PTPRD: variants seen among roughly 807,000 people sequenced by gnomAD.
PTPRD encodes the protein receptor-type tyrosine-protein phosphatase delta.
In PTPRD, 34 loss-of-function variants were observed where a neutral mutation model predicts 214.5. The observed-to-expected ratio is 0.16, with a 90% confidence interval of 0.12 to 0.21. The LOEUF (loss-of-function observed/expected upper bound fraction) is 0.21, where lower values mean the gene tolerates loss of function less well. Ranked by LOEUF, PTPRD falls within the 10% of genes least tolerant of loss-of-function variation. The pLI is 1.00. For missense variants in PTPRD, 2,545 were observed against 2,398.7 expected (o/e 1.06, Z -1.27); for synonymous variants, 1,128 against 845.7 (o/e 1.33, Z -5.79).
chr9:8,934,521 A>G (rs1194386940), intron 11 of PTPRD, among the ~76,000 whole-genome samples: 1 of 27,550 alleles, frequency 3.6e-5, no homozygotes, highest in Admixed American at 6.4e-4. Flanking sequence ...ATATATATAA[A>G]TATATATATA....
intron 3 of PTPRD, among the ~76,000 whole-genome samples, chr9:10,317,506 G>A (rs1009508152): frequency 6.6e-6 from 1 of 151,910 alleles, no homozygotes; most frequent in Non-Finnish European, 1.5e-5. Flanking sequence ...GAAGAAGAGA[G>A]TATAAAGTAA....
intron 3 of PTPRD, among the ~76,000 whole-genome samples, chr9:10,248,479 T>C (rs1348156944): frequency 2.2e-5 from 3 of 138,758 alleles, no homozygotes; most frequent in African/African-American, 8.4e-5. Flanking sequence ...TGTTAAACAT[T>C]AGTTCTACAG....
chr9:8,733,558 G>A (rs1311007519), intron 12 of PTPRD, among the ~76,000 whole-genome samples: 1 of 152,164 alleles, frequency 6.6e-6, no homozygotes, highest in Non-Finnish European at 1.5e-5. Flanking sequence ...AGGAGGAGCA[G>A]TTAGATGCAC....
intron 14 of PTPRD, among the ~76,000 whole-genome samples, chr9:8,529,328 C>G (rs1271940849): frequency 6.6e-6 from 1 of 152,044 alleles, no homozygotes; most frequent in African/African-American, 2.4e-5. Context: ...TTTCTTATAA[C>G]TCTGTTTTCC....
intron 11 of PTPRD, among the ~76,000 whole-genome samples, chr9:8,838,944 T>C (rs2097499982): frequency 2.0e-5 from 3 of 152,052 alleles, no homozygotes; most frequent in African/African-American, 7.2e-5. Flanking sequence ...TTTGACTATA[T>C]AAAATGATGA....
intron 9 of PTPRD, among the ~76,000 whole-genome samples, chr9:9,292,812 T>C (rs1337621507): frequency 6.6e-6 from 1 of 151,346 alleles, no homozygotes. Context: ...AGGCATTATA[T>C]AGAATGTTCC....
At chr9:9,975,301 C>T (rs998124260) in intron 4 of PTPRD, among the ~76,000 whole-genome samples, 1 of 152,180 alleles carries the variant, frequency 6.6e-6, no homozygotes, top group African/African-American at 2.4e-5. Flanking sequence ...TTGAACCAAC[C>T]CTTCGTATAG....
At chr9:9,379,850 G>C (rs1227930035) in intron 9 of PTPRD, among the ~76,000 whole-genome samples, 1 of 151,854 alleles carries the variant, frequency 6.6e-6, no homozygotes, top group Non-Finnish European at 1.5e-5. Context: ...TTGGTATATA[G>C]GAAAGCAATT....
rs948407078 is a variant in PTPRD, at chr9:9,333,892, C to T, written c.-203+63557G>A. 4.6e-5 allele frequency among the ~76,000 whole-genome samples: 7 copies of T among 151,784 alleles called. 1 individual carries two copies. The highest frequency in any genetic ancestry group is 1.5e-4 in the African/African-American group (6 of 41,330). On this transcript the variant is annotated intron_variant, in intron 9 of 45. Transcript: ENST00000381196. Reference sequence around the variant, plus strand: ...TACTTAAACACTGGAACACCTAATGCTAAAGAGAAGAAAATATTGATGGAA... The same window carrying T: ...TACTTAAACACTGGAACACCTAATGTTAAAGAGAAGAAAATATTGATGGAA...
chr9:9,740,564 T>C (rs906139713), intron 6 of PTPRD, among the ~76,000 whole-genome samples: 2 of 152,118 alleles, frequency 1.3e-5, no homozygotes, highest in African/African-American at 4.8e-5. Context: ...GGTTTCACCG[T>C]GTTAGCCAGG....
intron 3 of PTPRD, among the ~76,000 whole-genome samples, chr9:10,059,354 T>C (rs1044312452): frequency 6.6e-6 from 1 of 152,124 alleles, no homozygotes; most frequent in African/African-American, 2.4e-5. Flanking sequence ...GAGAAACATA[T>C]GGCAACCTGT....
chr9:8,539,479 T>G (rs1243523319), intron 14 of PTPRD, among the ~76,000 whole-genome samples: 1 of 151,878 alleles, frequency 6.6e-6, no homozygotes, highest in Non-Finnish European at 1.5e-5. Flanking sequence ...TTTGAAGTTT[T>G]AAATTTTAAA....
At chr9:8,402,041 T>A (rs12335734) in intron 36 of PTPRD, among the ~76,000 whole-genome samples, 4,176 of 152,300 alleles carry the variant, frequency 0.027, 194 homozygotes, top group African/African-American at 0.096. Flanking sequence ...CAGTATTTTC[T>A]CTTCTGTGTT....
intron 9 of PTPRD, among the ~76,000 whole-genome samples, chr9:9,286,995 C>T (rs1003845323): frequency 4.9e-5 from 7 of 142,008 alleles, no homozygotes; most frequent in Non-Finnish European, 9.2e-5. Context: ...AAGGCTGAGG[C>T]GGGCAGATCA....
At chr9:9,310,411 T>C (rs1958565572) in intron 9 of PTPRD, among the ~76,000 whole-genome samples, 1 of 152,096 alleles carries the variant, frequency 6.6e-6, no homozygotes, top group South Asian at 2.1e-4. Context: ...CTCTTGCTCC[T>C]TACCCATTCT....
rs1055391279 is a variant in PTPRD at position 9,749,817 on chromosome 9, C to G, written c.-325-15246G>C. Reference sequence around the variant, plus strand: ...CTCAGGTTAGTCACGCTTCCTGTCTCTTTCCTCCCCTCATCCATTAAAAAG... The same window carrying G: ...CTCAGGTTAGTCACGCTTCCTGTCTGTTTCCTCCCCTCATCCATTAAAAAG... On this transcript the variant is annotated intron_variant, in intron 6 of 45. Coordinates refer to ENST00000381196, the MANE Select transcript of PTPRD (RefSeq NM_002839.4). Among the ~76,000 whole-genome samples the G allele has an allele frequency of 2.7e-4, 41 of 152,166 alleles. 1 individual carries two copies. The highest frequency in any genetic ancestry group is 8.8e-5 in the Non-Finnish European group (6 of 68,026).
intron 2 of PTPRD, among the ~76,000 whole-genome samples, chr9:10,513,231 T>A (rs1361308208): frequency 2.0e-5 from 3 of 151,952 alleles, no homozygotes; most frequent in Non-Finnish European, 4.4e-5. Context: ...TTTAAAAATG[T>A]TGTTTGGAAG....
chr9:9,634,352 G>C (rs577166732), intron 7 of PTPRD, among the ~76,000 whole-genome samples: 1 of 152,194 alleles, frequency 6.6e-6, no homozygotes, highest in Admixed American at 6.5e-5. Flanking sequence ...AAATGATATG[G>C]GGAAGAAGTG....
At chr9:10,585,468 C>T (rs1459258729) in intron 2 of PTPRD, among the ~76,000 whole-genome samples, 4 of 151,894 alleles carry the variant, frequency 2.6e-5, no homozygotes, top group South Asian at 4.1e-4. Context: ...AAAAAAATCA[C>T]GTTTCTCCAG....
Sources: allele counts gnomAD v4.1 joint callset (sites outside exome capture counted in the v4.1 genomes callset), GRCh38; gene constraint gnomAD v4.1.1; transcripts MANE v1.5; gene names NCBI Gene and HGNC (gene_info 2026-07-23, HGNC 2026-07-21).